Variants in FBXW4 observed in about 807,000 individuals in gnomAD.
The protein encoded by FBXW4 is F-box and WD repeat domain containing 4.
A neutral mutation model predicts 61.8 loss-of-function variants in FBXW4; 40 were observed. The observed-to-expected ratio is 0.65, with a 90% CI of 0.50 to 0.84. The LOEUF is 0.84. Ranked by LOEUF, FBXW4 falls within the 40% of genes least tolerant of loss-of-function variation. The probability of loss-of-function intolerance (pLI) is 0.00; values close to 1 mark genes in which losing one functional copy is unlikely to be tolerated. For missense variants in FBXW4, 672 were observed against 753.8 expected, an observed-to-expected ratio of 0.89 and a Z score of 1.27; for synonymous variants, 311 against 313.8, an observed-to-expected ratio of 0.99 and a Z score of 0.10.
chr10:101,688,475 A>AAC (rs2064555947), intron 1 of FBXW4, among the ~76,000 whole-genome samples: 1 of 152,224 alleles, frequency 6.6e-6, no homozygotes, highest in African/African-American at 2.4e-5. Context: ...AAATGAAGAA[A>AAC]TGACTCAAAA....
chr10:101,678,518 C>A (rs374517094), intron 1 of FBXW4, among the ~76,000 whole-genome samples: 1 of 152,236 alleles, frequency 6.6e-6, no homozygotes, highest in Non-Finnish European at 1.5e-5. Flanking sequence ...CTCCGCCTCT[C>A]GGGTTCACAT....
chr10:101,613,896 G>T (rs2063806842), intron 6 of FBXW4, among the ~76,000 whole-genome samples: 1 of 152,260 alleles, frequency 6.6e-6, no homozygotes, highest in Non-Finnish European at 1.5e-5. Flanking sequence ...GTAGCCCAGA[G>T]CTGGGCCTGC....
Position 101,612,377 on chromosome 10 carries a change from C to G in FBXW4, c.1402G>C (p.Asp468His). 1 of 1,597,730 alleles carries G rather than the reference C, an allele frequency of 6.3e-7. No homozygotes were observed. Among genetic ancestry groups the G allele is most frequent in the Non-Finnish European group, 8.5e-7 (1 of 1,171,434 alleles). The change falls in exon 7 of 9, where the codon GAC (aspartate) becomes CAC (histidine). Residue 468 changes from aspartate to histidine, a missense_variant. Around this residue, in one of 5 missense-constraint regions of FBXW4, gnomAD observed 312 missense variants for 370.1 expected, o/e 0.84. Transcript: ENST00000331272. ...SPFTLLSCGY[D>H]TYVRYWDLRT... is the part of the protein sequence containing the mutation. ...AGGTCCCAGTAGCGAACATAGGTGT[C>G]ATAGCCACAGGACAGCAGTGTGAAA...
intron 3 of FBXW4, 34 bp downstream of exon 3, chr10:101,673,454 G>A: frequency 6.2e-7 from 1 of 1,610,646 alleles, no homozygotes. Flanking sequence ...GTATAAGATG[G>A]AAAAGGGTGG....
At chr10:101,613,755 T>C (rs937772770) in intron 6 of FBXW4, among the ~76,000 whole-genome samples, 1 of 152,162 alleles carries the variant, frequency 6.6e-6, no homozygotes, top group Non-Finnish European at 1.5e-5. Flanking sequence ...TTTCTGCCCC[T>C]TCCACCTTTC....
chr10:101,636,542 T>A (rs754297007), intron 5 of FBXW4, among the ~76,000 whole-genome samples: 15 of 152,030 alleles, frequency 9.9e-5, no homozygotes, highest in Non-Finnish European at 1.9e-4. Flanking sequence ...TTCCTACATA[T>A]TTGATAATAT....
At chr10:101,683,751 T>C (rs1429376024) in intron 1 of FBXW4, among the ~76,000 whole-genome samples, 4 of 152,060 alleles carry the variant, frequency 2.6e-5, no homozygotes, top group Non-Finnish European at 5.9e-5. Context: ...CTCTGTCCCA[T>C]CTCACAGCTT....
intron 4 of FBXW4, 34 bp downstream of exon 4, chr10:101,672,881 G>A (rs1413247089): frequency 1.2e-6 from 2 of 1,610,916 alleles, no homozygotes; most frequent in African/African-American, 1.3e-5. Flanking sequence ...TAGACAGGAG[G>A]GAGTAATAGT....
At chr10:101,660,322 TGGGTTGGGAGGG>T in intron 5 of FBXW4, 1 of 37,922 alleles carries the variant, frequency 2.6e-5, no homozygotes, top group Non-Finnish European at 3.8e-5. Context: ...CTTGGGAAGT[TGGGTTGGGAGGG>T]GGGGTGGGTG....
At position 101,611,202 on chromosome 10, in the gene FBXW4, T is replaced by C. The variant is rs1169801595; in HGVS notation, c.*89A>G. The C allele has an allele frequency of 6.6e-7, 1 of 1,510,428 alleles. No individual in the cohort carries two copies. Among genetic ancestry groups the C allele is most frequent in the African/African-American group, 1.4e-5 (1 of 72,384 alleles). The allele number at this position is 1,510,428 out of a possible 1,614,324, so 93.6% of individuals were successfully genotyped here. On this transcript the variant is annotated 3_prime_UTR_variant, in exon 9 of 9. Transcript: ENST00000331272. The surrounding 1 kb of genome is among the most constrained non-coding windows in gnomAD (Gnocchi z 4.9). ...CAGGCCCAGGAGCACAGTGGGGCAG[T>C]GAGGAGGAGCTATCACTGCACCCTC... is the stretch of plus-strand genomic sequence containing the variant.
At chr10:101,661,574 C>G (rs1374429095) in intron 5 of FBXW4, among the ~76,000 whole-genome samples, 1 of 152,158 alleles carries the variant, frequency 6.6e-6, no homozygotes, top group Non-Finnish European at 1.5e-5. Context: ...CCTAGAATTA[C>G]CTGGAGCTTC....
chr10:101,665,836 T>C (rs2064293391), intron 5 of FBXW4, among the ~76,000 whole-genome samples: 1 of 152,090 alleles, frequency 6.6e-6, no homozygotes, highest in Non-Finnish European at 1.5e-5. Context: ...AATAGAGAAA[T>C]GTTGGGTAGG....
chr10:101,628,764 C>A (rs1054338481), intron 5 of FBXW4, among the ~76,000 whole-genome samples: 1 of 152,204 alleles, frequency 6.6e-6, no homozygotes, highest in East Asian at 1.9e-4. Context: ...CACACACAGT[C>A]AGGCACACTC....
At position 101,694,300 on chromosome 10, in the gene FBXW4, G is replaced by T; in HGVS notation, c.725+81C>A. On this transcript the variant is annotated intron_variant, in intron 1 of 8. Transcript: ENST00000331272. The surrounding 1 kb of genome is among the most constrained non-coding windows in gnomAD (Gnocchi z 6.0). ...TCGGGGTGCGACACGACCCTGGGCC[G>T]ACCAGGCCGCGGCGCCCCGCCCTTT... 1 of 1,290,080 alleles carries T rather than the reference G, an allele frequency of 7.8e-7. No individual in the cohort carries two copies. Among genetic ancestry groups the T allele is most frequent in the Middle Eastern group, 2.8e-4 (1 of 3,512 alleles). The allele number at this position is 1,290,080 out of a possible 1,614,324, so 79.9% of individuals were successfully genotyped here. A position where few individuals can be genotyped will look rare whatever the true frequency, so the allele number is the denominator to read the frequency against.
At chr10:101,667,853 G>A in intron 5 of FBXW4, 33 bp downstream of exon 5, 1 of 1,565,830 alleles carries the variant, frequency 6.4e-7, no homozygotes, top group Non-Finnish European at 8.8e-7. Flanking sequence ...TTATTATACA[G>A]GACAAAACCA....
intron 4 of FBXW4, among the ~76,000 whole-genome samples, chr10:101,671,279 G>C (rs78779778): frequency 0.015 from 2,340 of 152,302 alleles, 61 homozygotes; most frequent in African/African-American, 0.054. Flanking sequence ...CAAACCAGCT[G>C]ACCAGCTTGC....
chr10:101,658,294 C>T (rs1345274179), intron 5 of FBXW4, among the ~76,000 whole-genome samples: 1 of 152,142 alleles, frequency 6.6e-6, no homozygotes, highest in Non-Finnish European at 1.5e-5. Flanking sequence ...CATCTATAAT[C>T]CCAGCACTTT....
At chr10:101,641,592 C>A (rs923503892) in intron 5 of FBXW4, among the ~76,000 whole-genome samples, 2 of 150,990 alleles carry the variant, frequency 1.3e-5, no homozygotes, top group African/African-American at 2.4e-5. Context: ...CAAGAGAAAC[C>A]AAGCAGAAAA....
At chr10:101,639,534 C>T (rs1436046329) in intron 5 of FBXW4, among the ~76,000 whole-genome samples, 2 of 152,278 alleles carry the variant, frequency 1.3e-5, no homozygotes, top group East Asian at 3.9e-4. Context: ...TTCTGTGTGC[C>T]CACATTCTCC....
Sources: allele counts gnomAD v4.1 joint callset (sites outside exome capture counted in the v4.1 genomes callset), GRCh38; gene constraint gnomAD v4.1.1; regional missense constraint gnomAD v4.1.1; non-coding constraint Gnocchi (gnomAD v3.1); transcripts MANE v1.5; gene names NCBI Gene and HGNC (gene_info 2026-07-23, HGNC 2026-07-21).